The following HYAL4 variants were observed in gnomAD, a reference collection of about 807,000 sequenced individuals.
The protein encoded by HYAL4 is hyaluronidase 4.
In HYAL4, 37 loss-of-function variants were observed where a neutral mutation model predicts 35.2. The observed-to-expected ratio is 1.05, with a 90% confidence interval of 0.81 to 1.38. HYAL4 has a LOEUF of 1.38. HYAL4 is among the 40% of genes most tolerant of loss of function. The pLI, the probability that HYAL4 is intolerant of heterozygous loss-of-function variation, is 0.00. For synonymous variants in HYAL4, 198 were observed against 203.2 expected, an observed-to-expected ratio of 0.97 and a Z score of 0.22; for missense variants, 572 against 572.4, an observed-to-expected ratio of 1.00 and a Z score of 0.01.
At chr7:123,801,706 A>G in the HYAL4 span, among the ~76,000 whole-genome samples, 8 of 152,192 alleles carry the variant, frequency 5.3e-5, no homozygotes, top group Non-Finnish European at 1.0e-4. Flanking sequence ...TTTGCAGGCT[A>G]AGTAGAAGTT....
chr7:123,794,799 T>C, the HYAL4 span, among the ~76,000 whole-genome samples: 1 of 152,140 alleles, frequency 6.6e-6, no homozygotes, highest in Admixed American at 6.5e-5. Flanking sequence ...AAAAGGGAAA[T>C]GTGGGGTCAG....
At chr7:123,826,543 C>T (rs543478957), upstream of HYAL4, among the ~76,000 whole-genome samples, 56 of 152,232 alleles carry the variant, frequency 3.7e-4, no homozygotes, top group African/African-American at 1.3e-3. Context: ...CACATTTTAA[C>T]ATGTAGTATT....
At chr7:123,809,619 G>A in the HYAL4 span, among the ~76,000 whole-genome samples, 2 of 152,124 alleles carry the variant, frequency 1.3e-5, no homozygotes, top group Non-Finnish European at 2.9e-5. Context: ...GACTGGTTCA[G>A]AATTCCTGGC....
Position 123,837,037 on chromosome 7 carries a change from CAA to C in HYAL4, c.-256-7199_-256-7198del, listed in dbSNP as rs886199224. On this transcript the variant is annotated intron_variant, in intron 1 of 4. Transcript: ENST00000489978. The stretch of plus-strand genomic sequence containing the variant: ...TACATCTCAAAAACAAAAACAGAAA[CAA>C]AAAAAAAAGAAAGAAAAAAAAGATT... 1.5e-4 allele frequency among the ~76,000 whole-genome samples: 21 copies of C among 143,700 alleles called. No individual in the cohort carries two copies. In the East Asian group the frequency reaches 4.0e-3, roughly 27 times the overall value. The allele number at this position is 143,700 out of a possible 152,430, so 94.3% of individuals were successfully genotyped here.
At chr7:123,782,501 G>T in the HYAL4 span, among the ~76,000 whole-genome samples, 1 of 150,962 alleles carries the variant, frequency 6.6e-6, no homozygotes, top group African/African-American at 2.4e-5. Flanking sequence ...TATTGATTTA[G>T]TTTTTTTTCA....
chr7:123,793,502 T>G, the HYAL4 span, among the ~76,000 whole-genome samples: 1 of 152,172 alleles, frequency 6.6e-6, no homozygotes, highest in African/African-American at 2.4e-5. Context: ...CTAGATATCA[T>G]GGGAGGGACC....
chr7:123,876,428 A>G (rs1420040419), intron 4 of HYAL4, among the ~76,000 whole-genome samples: 2 of 152,212 alleles, frequency 1.3e-5, no homozygotes, highest in African/African-American at 4.8e-5. Flanking sequence ...GAAGGAAGAA[A>G]AAAAGAATGT....
intron 2 of HYAL4, among the ~76,000 whole-genome samples, chr7:123,866,033 C>T (rs775134333): frequency 1.3e-5 from 2 of 152,148 alleles, no homozygotes; most frequent in Non-Finnish European, 2.9e-5. Context: ...CATGGGAAAT[C>T]TCGCCCTTGT....
upstream of HYAL4, among the ~76,000 whole-genome samples, chr7:123,826,731 A>G (rs1397035656): frequency 2.6e-5 from 4 of 152,116 alleles, no homozygotes; most frequent in African/African-American, 4.8e-5. Context: ...ATGTATGCTC[A>G]CTGTATTTAG....
the HYAL4 span, among the ~76,000 whole-genome samples, chr7:123,804,028 A>G: frequency 2.0e-5 from 3 of 152,322 alleles, no homozygotes; most frequent in African/African-American, 7.2e-5. Context: ...TAGGTTATTT[A>G]TATAATTGTC....
chr7:123,769,821 G>GAA, the HYAL4 span, among the ~76,000 whole-genome samples: 75 of 118,714 alleles, frequency 6.3e-4, 1 homozygote, highest in Non-Finnish European at 8.8e-4. Flanking sequence ...AAAGAGACTT[G>GAA]AAAAAAAAAA....
At chr7:123,811,699 A>G in the HYAL4 span, among the ~76,000 whole-genome samples, 22 of 152,054 alleles carry the variant, frequency 1.4e-4, no homozygotes, top group South Asian at 4.6e-3. Context: ...TTTGTCAACT[A>G]TTTCTTTCAT....
At chr7:123,863,246 T>C (rs1169483236) in intron 2 of HYAL4, among the ~76,000 whole-genome samples, 1 of 152,234 alleles carries the variant, frequency 6.6e-6, no homozygotes, top group Non-Finnish European at 1.5e-5. Flanking sequence ...ACTATTGTAT[T>C]GTTAATACTT....
chr7:123,869,906 C>T (rs1395337520), intron 3 of HYAL4, among the ~76,000 whole-genome samples: 1 of 149,752 alleles, frequency 6.7e-6, no homozygotes, highest in African/African-American at 2.5e-5. Context: ...GACAGGCTGG[C>T]CTTGAACTCC....
chr7:123,857,722 T>G (rs1160433892), intron 2 of HYAL4, among the ~76,000 whole-genome samples: 3 of 141,740 alleles, frequency 2.1e-5, no homozygotes, highest in Non-Finnish European at 4.7e-5. Flanking sequence ...TCTTTCTTTC[T>G]TTCTTTCTTT....
chr7:123,789,759 T>G, the HYAL4 span, among the ~76,000 whole-genome samples: 2 of 152,266 alleles, frequency 1.3e-5, no homozygotes, highest in South Asian at 2.1e-4. Flanking sequence ...GACGTATACA[T>G]GAATACATAT....
At chr7:123,855,417 C>CCT (rs1806414498) in intron 2 of HYAL4, among the ~76,000 whole-genome samples, 1 of 152,012 alleles carries the variant, frequency 6.6e-6, no homozygotes, top group Admixed American at 6.6e-5. Flanking sequence ...AATCCCTCAG[C>CCT]GTTTGCTTGT....
At chr7:123,832,372 G>T (rs1434290775) in intron 1 of HYAL4, among the ~76,000 whole-genome samples, 1 of 150,188 alleles carries the variant, frequency 6.7e-6, no homozygotes, top group Non-Finnish European at 1.5e-5. Flanking sequence ...TGAGATTTTG[G>T]TGCTGCCATC....
At chr7:123,847,708 G>A (rs2116924010) in intron 1 of HYAL4, among the ~76,000 whole-genome samples, 1 of 152,254 alleles carries the variant, frequency 6.6e-6, no homozygotes, top group South Asian at 2.1e-4. Flanking sequence ...AACCTGGCAG[G>A]TGGAGGTTGC....
Sources: gnomAD v4.1 joint callset for allele counts (sites outside exome capture counted in the v4.1 genomes callset) on GRCh38, gnomAD v4.1.1 for gene constraint, MANE v1.5 for transcripts, NCBI Gene and HGNC (gene_info 2026-07-23, HGNC 2026-07-21) for gene names.